Variants in VPS13A observed in about 807,000 individuals in gnomAD.
VPS13A encodes intermembrane lipid transfer protein VPS13A.
A neutral mutation model predicts 390.9 loss-of-function variants in VPS13A; 264 were observed. The observed-to-expected ratio is 0.68, with a 90% CI of 0.61 to 0.75. The LOEUF (loss-of-function observed/expected upper bound fraction) is 0.75. Ranked by LOEUF, VPS13A falls within the 30% of genes least tolerant of loss-of-function variation. The pLI is 0.00. For synonymous variants in VPS13A, 1,231 were observed against 1,227.1 expected, an observed-to-expected ratio of 1.00 and a Z score of -0.07; for missense variants, 3,409 against 3,733.9, an observed-to-expected ratio of 0.91 and a Z score of 2.27.
intron 52 of VPS13A, among the ~76,000 whole-genome samples, chr9:77,346,282 T>TTA (rs1384482218): frequency 6.6e-6 from 1 of 152,156 alleles, no homozygotes; most frequent in Non-Finnish European, 1.5e-5. Context: ...GCTGAGCTTC[T>TTA]TTTTATATGT....
rs544139551 is a variant in VPS13A at position 77,292,468 on chromosome 9, T to G, written c.3340-873T>G. Among the ~76,000 whole-genome samples the G allele has an allele frequency of 4.5e-4, 69 of 151,994 alleles. No homozygotes were observed. In the Middle Eastern group the frequency reaches 0.01, roughly 22 times the overall value. On this transcript the variant is annotated intron_variant, in intron 31 of 71. Coordinates refer to ENST00000360280, the MANE Select transcript of VPS13A (RefSeq NM_033305.3). ...AGTTATGATATCATAGTTTATCGGGTTTTTTTTCCTTTTCTTAAGGTTTGG... is the reference window on the plus strand; with the variant it reads ...AGTTATGATATCATAGTTTATCGGGGTTTTTTTCCTTTTCTTAAGGTTTGG...
chr9:77,214,514 G>T (rs558283075), intron 10 of VPS13A, 128 bp downstream of exon 10: 2 of 648,740 alleles, frequency 3.1e-6, no homozygotes, highest in African/African-American at 1.9e-5. Flanking sequence ...TATTTATAAT[G>T]TATATACAAA....
Position 77,226,745 on chromosome 9 carries a change from T to C in VPS13A, c.1357+147T>C, listed in dbSNP as rs1315311691. On this transcript the variant is annotated intron_variant, in intron 15 of 71. Coordinates refer to ENST00000360280, the MANE Select transcript of VPS13A (RefSeq NM_033305.3). ...ATTACAAATAAAACTATTAAAACAT[T>C]GAAAATGTGTATTAGTTTAAAAATA... is the stretch of plus-strand genomic sequence containing the variant. 1.0e-5 allele frequency: 7 copies of C among 682,416 alleles called. 1 individual carries two copies. In the East Asian group the frequency reaches 2.8e-4, roughly 27 times the overall value. 42.3% of individuals were successfully genotyped at this position (682,416 alleles called of 1,614,324 possible).
rs745367057 is a variant in VPS13A, at chr9:77,238,063, C to T, written c.1657C>T (p.Arg553Cys). Residue 553 changes from arginine (R) to cysteine (C), a missense_variant, in exon 18 of 72, where the codon CGC (arginine) becomes TGC (cysteine). By Grantham distance (180) the Arg-to-Cys change is radical (BLOSUM62 -3). This residue lies in a region of VPS13A where 2,717 missense variants were observed against 2,917.4 expected (regional missense o/e 0.93). Transcript: ENST00000360280. ...CTTACCAGATAATTCAGAAAAACCC[C>T]GCCTCCTGTCTTCATTGGATGATGC... ...TGLPDNSEKP[R>C]LLSSLDDAMS... 28 of 1,613,066 alleles carry T rather than the reference C, an allele frequency of 1.7e-5. No individual in the cohort carries two copies. The highest frequency in any genetic ancestry group is 3.3e-5 in the South Asian group (3 of 91,022).
chr9:77,281,753 AT>A, intron 27 of VPS13A, 113 bp from the exon 28 acceptor site: 1 of 600,534 alleles, frequency 1.7e-6, no homozygotes, highest in Non-Finnish European at 3.0e-6. Context: ...ATATATATAT[AT>A]ATATGTATAT....
At chr9:77,238,901 A>G (rs1041157087) in intron 19 of VPS13A, among the ~76,000 whole-genome samples, 3 of 152,180 alleles carry the variant, frequency 2.0e-5, no homozygotes, top group Non-Finnish European at 1.5e-5. Context: ...GATTATCTGT[A>G]TGATTTTAAT....
intron 68 of VPS13A, chr9:77,382,414 G>GT: frequency 7.0e-7 from 1 of 1,431,864 alleles, no homozygotes; most frequent in South Asian, 1.6e-5. Flanking sequence ...TTTTGTATTG[G>GT]TAACTTTTAA....
At chr9:77,213,349 T>C (rs777145003) in intron 9 of VPS13A, 35 bp downstream of exon 9, 8 of 1,543,504 alleles carry the variant, frequency 5.2e-6, no homozygotes, top group Non-Finnish European at 7.2e-6. Flanking sequence ...TTTGTTGGTA[T>C]CATATTTTGC....
At chr9:77,357,036 C>T (rs972315041) in intron 55 of VPS13A, among the ~76,000 whole-genome samples, 169 bp downstream of exon 55, 5 of 151,876 alleles carry the variant, frequency 3.3e-5, no homozygotes, top group Admixed American at 1.3e-4. Flanking sequence ...ATTAAGAAAT[C>T]AGGCTGGGCG....
rs751682984 is a variant in VPS13A, at chr9:77,252,262, T to C, written c.2198T>C (p.Leu733Pro). ...VGDNWREARK[L>P]SVSTQHILVP... is the part of the protein sequence containing the mutation. The stretch of plus-strand genomic sequence containing the variant: ...GATAATTGGAGAGAAGCACGAAAAC[T>C]CAGTGTATCTACCCAGCATATTTTG... The change falls in exon 22 of 72, where the codon CTC becomes CCC. Residue 733 changes from leucine to proline, a missense_variant. Leu to Pro is a moderately conservative substitution (Grantham distance 98, BLOSUM62 -3). Around this residue, in one of 5 missense-constraint regions of VPS13A, gnomAD observed 2,717 missense variants for 2,917.4 expected, o/e 0.93. Transcript: ENST00000360280. The C allele has an allele frequency of 4.3e-6, 7 of 1,613,914 alleles. No individual in the cohort carries two copies. Among genetic ancestry groups the C allele is most frequent in the Non-Finnish European group, 3.4e-6 (4 of 1,179,896 alleles).
intron 68 of VPS13A, chr9:77,395,891 C>T (rs1834101137): frequency 6.6e-6 from 1 of 151,862 alleles, no homozygotes; most frequent in South Asian, 2.1e-4. Context: ...GTTAAAACAC[C>T]ATGACAGTTT....
intron 69 of VPS13A, among the ~76,000 whole-genome samples, chr9:77,405,202 C>T (rs758700166): frequency 3.3e-5 from 5 of 152,064 alleles, no homozygotes; most frequent in Non-Finnish European, 5.9e-5. Context: ...TGAAGTCTTC[C>T]TCTAAAATTG....
chr9:77,333,827 G>T (rs868110112), intron 46 of VPS13A, among the ~76,000 whole-genome samples: 1 of 151,998 alleles, frequency 6.6e-6, no homozygotes, highest in Non-Finnish European at 1.5e-5. Context: ...TATTTAAGTA[G>T]AATTTAAATA....
At chr9:77,278,860 A>G (rs1216394869) in intron 26 of VPS13A, among the ~76,000 whole-genome samples, 1 of 152,202 alleles carries the variant, frequency 6.6e-6, no homozygotes, top group East Asian at 1.9e-4. Context: ...AAGCAGTAAT[A>G]TTAAAATGGG....
intron 4 of VPS13A, 92 bp from the exon 5 acceptor site, chr9:77,205,886 G>A (rs1825612186): frequency 7.9e-6 from 8 of 1,016,842 alleles, no homozygotes; most frequent in South Asian, 2.9e-5. Flanking sequence ...CACCGCGCCC[G>A]GCCAATTAAT....
intron 45 of VPS13A, among the ~76,000 whole-genome samples, chr9:77,329,932 C>T (rs1212450770): frequency 6.6e-6 from 1 of 152,148 alleles, no homozygotes; most frequent in East Asian, 1.9e-4. Context: ...ATCCTGCTAT[C>T]ATATTGCTGT....
At chr9:77,225,478 T>G (rs1823456065) in intron 13 of VPS13A, among the ~76,000 whole-genome samples, 1 of 152,170 alleles carries the variant, frequency 6.6e-6, no homozygotes, top group Admixed American at 6.5e-5. Flanking sequence ...ACTCCTGAGT[T>G]CAAGTGATTC....
intron 26 of VPS13A, among the ~76,000 whole-genome samples, chr9:77,278,237 ATTTTTTTTTT>A (rs57545793): frequency 8.7e-6 from 1 of 115,400 alleles, no homozygotes; most frequent in African/African-American, 3.4e-5. Context: ...CGCCCAGCTA[ATTTTTTTTTT>A]TTTTTTTTTT....
chr9:77,292,827 G>C (rs1274914892), intron 31 of VPS13A, among the ~76,000 whole-genome samples: 3 of 151,940 alleles, frequency 2.0e-5, no homozygotes, highest in African/African-American at 7.3e-5. Context: ...GGTAATTTCT[G>C]GTTGGCAATT....
Sources: allele counts gnomAD v4.1 joint callset (sites outside exome capture counted in the v4.1 genomes callset), GRCh38; gene constraint gnomAD v4.1.1; regional missense constraint gnomAD v4.1.1; transcripts MANE v1.5; gene names NCBI Gene and HGNC (gene_info 2026-07-23, HGNC 2026-07-21).